CSMD2: variants seen among roughly 807,000 people sequenced by gnomAD.
CSMD2 encodes the protein CUB and sushi domain-containing protein 2.
Under a neutral mutation model 398.5 loss-of-function variants are expected in CSMD2, and 130 were observed. The observed-to-expected ratio is 0.33, with a 90% CI of 0.28 to 0.38. The LOEUF (loss-of-function observed/expected upper bound fraction) is 0.38, where lower values mean the gene tolerates loss of function less well. Among genes scored for constraint, CSMD2 ranks in the 10% least tolerant of loss-of-function variants. CSMD2 has a pLI of 1.00. For synonymous variants in CSMD2, 1,828 were observed against 1,908.5 expected (o/e 0.96, Z 1.10); for missense variants, 3,829 against 4,764.9 (o/e 0.80, Z 5.78).
At chr1:33,659,784 G>A (rs1002257657) in intron 26 of CSMD2, among the ~76,000 whole-genome samples, 1 of 152,184 alleles carries the variant, frequency 6.6e-6, no homozygotes, top group Non-Finnish European at 1.5e-5. Flanking sequence ...TACACAATCT[G>A]ATACCTTCTA....
intron 70 of CSMD2, among the ~76,000 whole-genome samples, chr1:33,516,934 G>T (rs572146467): frequency 1.3e-5 from 2 of 151,736 alleles, no homozygotes; most frequent in Admixed American, 6.6e-5. Context: ...GGATAATAAT[G>T]GCTCTGTAAT....
rs1167071159 is a variant in CSMD2, at chr1:34,032,641, A to G, written c.470T>C (p.Ile157Thr). 2 of 1,602,948 alleles carry G rather than the reference A, an allele frequency of 1.2e-6. No homozygotes were observed. Among genetic ancestry groups the G allele is most frequent in the Admixed American group, 1.7e-5 (1 of 58,570 alleles). Residue 157 changes from isoleucine to threonine, a missense_variant, in exon 3 of 71, where the codon ATC (isoleucine) becomes ACC (threonine). Physicochemically the swap from Ile to Thr is moderately conservative, Grantham distance 89 (BLOSUM62 -1). Around this residue, in one of 5 missense-constraint regions of CSMD2, gnomAD observed 184 missense variants for 217.7 expected, o/e 0.85. Coordinates refer to ENST00000373381, the MANE Select transcript of CSMD2 (RefSeq NM_001281956.2). ...TTGGGCACTGACTGCATAGTCGCTG[A>G]TGAGGCGCAGAGAGAGGGTGGTGGC... ...SAATTLSLRL[I>T]SDYAVSAQGF... is the part of the protein sequence containing the mutation.
At position 33,571,628 on chromosome 1, in the gene CSMD2, T is replaced by G. The variant is rs1329527401; in HGVS notation, c.7861A>C (p.Ile2621Leu). Reference sequence around the variant, plus strand: ...GTATAGTAGTAGCCAGGGTCACAGATGAGCATCAGCTGGGCCTGGAACTGA... The same window carrying G: ...GTATAGTAGTAGCCAGGGTCACAGAGGAGCATCAGCTGGGCCTGGAACTGA... ...QYQFQAQLML[I>L]CDPGYYYTGQ... Residue 2621 changes from isoleucine to leucine, a missense_variant, in exon 51 of 71, where the codon ATC becomes CTC. Around this residue, in one of 5 missense-constraint regions of CSMD2, gnomAD observed 723 missense variants for 758.6 expected, o/e 0.95. Coordinates refer to ENST00000373381, the MANE Select transcript of CSMD2 (RefSeq NM_001281956.2). 11 of 1,591,786 alleles carry G rather than the reference T, an allele frequency of 6.9e-6. No homozygotes were observed. The highest frequency in any genetic ancestry group is 9.4e-6 in the Non-Finnish European group (11 of 1,165,988).
intron 5 of CSMD2, chr1:33,864,906 G>A (rs1013665693): frequency 1.7e-5 from 9 of 522,268 alleles, no homozygotes; most frequent in African/African-American, 4.6e-5. Flanking sequence ...CGGAGAGGAC[G>A]GGAAGGGAAA....
chr1:34,027,470 A>G (rs1649797517), intron 3 of CSMD2, among the ~76,000 whole-genome samples: 1 of 152,260 alleles, frequency 6.6e-6, no homozygotes, highest in Non-Finnish European at 1.5e-5. Context: ...AATTATGTAT[A>G]AAATGGAAAA....
At position 33,743,555 on chromosome 1, in the gene CSMD2, T is replaced by G. The variant is rs761181438; in HGVS notation, c.1898A>C (p.Asn633Thr). 3 of 1,612,728 alleles carry G rather than the reference T, an allele frequency of 1.9e-6. No homozygotes were observed. Among genetic ancestry groups the G allele is most frequent in the South Asian group, 1.1e-5 (1 of 90,972 alleles). Residue 633 changes from asparagine (N) to threonine (T), a missense_variant, in exon 14 of 71, where the codon AAC becomes ACC. Asn to Thr is a moderately conservative substitution (Grantham distance 65, BLOSUM62 0). This residue lies in a region of CSMD2 where 2,001 missense variants were observed against 2,567.1 expected (regional missense o/e 0.78). Transcript: ENST00000373381. ...GTGGTTGCCATAGTCCTCTGGGTAGTTGGGAGACAGGACAACCCCAGACGG... is the reference window on the plus strand; with the variant it reads ...GTGGTTGCCATAGTCCTCTGGGTAGGTGGGAGACAGGACAACCCCAGACGG... ...TSPSGVVLSP[N>T]YPEDYGNHLH...
intron 1 of CSMD2, among the ~76,000 whole-genome samples, chr1:34,099,698 T>C (rs190651315): frequency 6.6e-6 from 1 of 152,262 alleles, no homozygotes; most frequent in Non-Finnish European, 1.5e-5. Flanking sequence ...TGGGAGAGGT[T>C]GACTCAATGT....
At chr1:33,784,581 G>A (rs937980260) in intron 12 of CSMD2, among the ~76,000 whole-genome samples, 2 of 152,296 alleles carry the variant, frequency 1.3e-5, no homozygotes, top group African/African-American at 2.4e-5. Context: ...TCCACGCCCT[G>A]CACTGAGGCC....
chr1:33,861,369 T>G (rs1222567290), intron 5 of CSMD2: 1 of 152,170 alleles, frequency 6.6e-6, no homozygotes, highest in Non-Finnish European at 1.5e-5. Flanking sequence ...CGAGGTATAG[T>G]GGCAGAGCTG....
intron 7 of CSMD2, among the ~76,000 whole-genome samples, chr1:33,822,968 C>A (rs1658327518): frequency 6.6e-6 from 1 of 152,208 alleles, no homozygotes; most frequent in Non-Finnish European, 1.5e-5. Context: ...CCACACAGCC[C>A]CCTTGCAGCA....
chr1:33,824,548 T>A (rs1658560638), intron 7 of CSMD2, among the ~76,000 whole-genome samples: 1 of 152,182 alleles, frequency 6.6e-6, no homozygotes, highest in South Asian at 2.1e-4. Context: ...CTTCTCCTGA[T>A]GTTCTCCCGG....
rs575041334 is a variant in CSMD2 at position 33,782,565 on chromosome 1, G to A, written c.1663+6035C>T. ...TTTGCCCAACCCCAAATCCTACAGG[G>A]ACAATAGAGAATGCATGGGCTGTTG... On this transcript the variant is annotated intron_variant, in intron 12 of 70. Coordinates refer to ENST00000373381, the MANE Select transcript of CSMD2 (RefSeq NM_001281956.2). Among the ~76,000 whole-genome samples the A allele has an allele frequency of 9.6e-4, 146 of 152,308 alleles. 1 individual carries two copies. Among genetic ancestry groups the A allele is most frequent in the African/African-American group, 3.2e-3 (134 of 41,562 alleles).
chr1:33,984,172 A>G (rs1424580625), intron 3 of CSMD2, among the ~76,000 whole-genome samples: 1 of 151,282 alleles, frequency 6.6e-6, no homozygotes, highest in East Asian at 2.0e-4. Flanking sequence ...AAAAAAAAAA[A>G]AGGACAAAAT....
chr1:34,072,854 A>G (rs1283179973), intron 2 of CSMD2, among the ~76,000 whole-genome samples: 2 of 152,060 alleles, frequency 1.3e-5, no homozygotes, highest in East Asian at 3.9e-4. Context: ...GATGGAGCAC[A>G]TGGCTGCCCC....
chr1:33,978,241 T>C (rs1436317583), intron 3 of CSMD2, among the ~76,000 whole-genome samples: 3 of 152,178 alleles, frequency 2.0e-5, no homozygotes, highest in East Asian at 3.8e-4. Flanking sequence ...ACATTGAGCA[T>C]CTCATTATGT....
At chr1:33,871,371 TG>T in intron 5 of CSMD2, among the ~76,000 whole-genome samples, 1 of 152,254 alleles carries the variant, frequency 6.6e-6, no homozygotes, top group Non-Finnish European at 1.5e-5. Context: ...ATACAGCTGG[TG>T]GGGGCTTAAA....
At chr1:34,007,334 G>A (rs1647092141) in intron 3 of CSMD2, among the ~76,000 whole-genome samples, 1 of 152,166 alleles carries the variant, frequency 6.6e-6, no homozygotes, top group Non-Finnish European at 1.5e-5. Context: ...GGAACAACAA[G>A]CTTCTGAGAA....
chr1:33,701,477 C>A (rs1237064242), intron 22 of CSMD2, among the ~76,000 whole-genome samples: 2 of 152,202 alleles, frequency 1.3e-5, no homozygotes, highest in African/African-American at 2.4e-5. Flanking sequence ...GAGTGAAAGA[C>A]CCCCTGGTGC....
chr1:33,610,017 T>C (rs1470486964), intron 41 of CSMD2, among the ~76,000 whole-genome samples: 1 of 152,186 alleles, frequency 6.6e-6, no homozygotes, highest in African/African-American at 2.4e-5. Flanking sequence ...TTCCACCATG[T>C]GAGGACGCAG....
Sources: gnomAD v4.1 joint callset for allele counts (sites outside exome capture counted in the v4.1 genomes callset) on GRCh38, gnomAD v4.1.1 for gene constraint, gnomAD v4.1.1 regional missense constraint, MANE v1.5 for transcripts, NCBI Gene and HGNC (gene_info 2026-07-23, HGNC 2026-07-21) for gene names.